The following NRXN1 variants were observed in gnomAD, a reference collection of about 807,000 sequenced individuals.
NRXN1 encodes the protein neurexin-1.
In NRXN1, 39 loss-of-function variants were observed where a neutral mutation model predicts 150.9. The observed-to-expected ratio is 0.26, with a 90% confidence interval of 0.20 to 0.34. The LOEUF (loss-of-function observed/expected upper bound fraction) is 0.34. Ranked by LOEUF, NRXN1 falls within the 10% of genes least tolerant of loss-of-function variation. NRXN1 has a pLI of 1.00. For missense variants in NRXN1, 1,815 were observed against 1,949.9 expected, an observed-to-expected ratio of 0.93 and a Z score of 1.30; for synonymous variants, 924 against 757.0, an observed-to-expected ratio of 1.22 and a Z score of -3.62.
intron 5 of NRXN1, among the ~76,000 whole-genome samples, chr2:50,624,008 C>T (rs1680532494): frequency 6.6e-6 from 1 of 151,892 alleles, no homozygotes; most frequent in Admixed American, 6.6e-5. Flanking sequence ...TTGTTCAATT[C>T]CCACCTATGA....
rs187376690 is a variant in NRXN1, at chr2:50,463,501, G to A, written c.3364+1941C>T. ...ATTTTAATGCTGATTTGTGCAAGAG[G>A]CATATCAGGAGACACATTTATTGAA... On this transcript the variant is annotated intron_variant, in intron 17 of 22. Transcript: ENST00000401669. Among the ~76,000 whole-genome samples, 12 of 151,788 alleles carry A rather than the reference G, an allele frequency of 7.9e-5. No individual in the cohort carries two copies. The East Asian group carries it at 1.9e-3, about 25-fold the overall frequency.
At position 50,160,870 on chromosome 2, in the gene NRXN1, C is replaced by T. The variant is rs144952544; in HGVS notation, c.3547-69376G>A. On this transcript the variant is annotated intron_variant, in intron 18 of 22. Coordinates refer to ENST00000401669, the MANE Select transcript of NRXN1 (RefSeq NM_001330078.2). ...CAACAGTGTGAGATTATTTCCTGGG[C>T]TTTTAAAAATTATACATATCTTTTT... Among the ~76,000 whole-genome samples, 705 of 152,136 alleles carry T rather than the reference C, an allele frequency of 4.6e-3. 9 individuals are homozygous for T. Among genetic ancestry groups the T allele is most frequent in the Non-Finnish European group, 4.8e-3 (329 of 67,992 alleles).
chr2:50,509,953 A>G (rs921988270), intron 12 of NRXN1, among the ~76,000 whole-genome samples: 3 of 152,148 alleles, frequency 2.0e-5, no homozygotes, highest in African/African-American at 7.2e-5. Context: ...AAGAAGTGGA[A>G]CAAACACCAG....
chr2:49,979,139 A>G (rs1679535047), intron 21 of NRXN1, among the ~76,000 whole-genome samples: 2 of 152,108 alleles, frequency 1.3e-5, no homozygotes, highest in African/African-American at 4.8e-5. Context: ...TCTACTAAAA[A>G]TTCCAAAATT....
chr2:50,177,472 A>G (rs1483032962), intron 18 of NRXN1, among the ~76,000 whole-genome samples: 3 of 151,972 alleles, frequency 2.0e-5, no homozygotes, highest in African/African-American at 7.2e-5. Flanking sequence ...TTGAATAGCT[A>G]AATGTATTTA....
At chr2:50,234,608 T>A (rs2152876461) in intron 18 of NRXN1, among the ~76,000 whole-genome samples, 1 of 152,184 alleles carries the variant, frequency 6.6e-6, no homozygotes, top group Middle Eastern at 3.4e-3. Flanking sequence ...AAAGAAAATT[T>A]AATTTGACCA....
At chr2:50,148,552 A>C (rs2058504141) in intron 18 of NRXN1, among the ~76,000 whole-genome samples, 1 of 151,694 alleles carries the variant, frequency 6.6e-6, no homozygotes, top group Non-Finnish European at 1.5e-5. Flanking sequence ...TCTTTTCCTG[A>C]ACACAGGTCC....
chr2:50,124,227 C>T (rs1704256891), intron 18 of NRXN1, among the ~76,000 whole-genome samples: 1 of 152,094 alleles, frequency 6.6e-6, no homozygotes, highest in African/African-American at 2.4e-5. Context: ...AATATGAAGA[C>T]TGAGAATTGA....
intron 2 of NRXN1, among the ~76,000 whole-genome samples, chr2:51,015,525 C>T (rs1043497257): frequency 6.6e-6 from 1 of 151,922 alleles, no homozygotes. Flanking sequence ...TGAACAGCTC[C>T]CAGCTAACAG....
chr2:50,580,313 C>T (rs920088935), intron 8 of NRXN1, among the ~76,000 whole-genome samples: 2 of 152,108 alleles, frequency 1.3e-5, no homozygotes, highest in Non-Finnish European at 2.9e-5. Context: ...TATAAATCCC[C>T]ACACCTACAT....
At chr2:50,436,836 C>A (rs1010426917) in intron 17 of NRXN1, among the ~76,000 whole-genome samples, 3 of 152,084 alleles carry the variant, frequency 2.0e-5, no homozygotes, top group Non-Finnish European at 2.9e-5. Flanking sequence ...TTGCAATACC[C>A]TTTGTGATGT....
Position 50,473,984 on chromosome 2 carries a change from A to G in NRXN1, c.3071-1513T>C, listed in dbSNP as rs1260197694. ...GAGAACTTAGGTCCTTGACCTAACT[A>G]AAACTTAAGTTTTATAACTATATAA... is the stretch of plus-strand genomic sequence containing the variant. On this transcript the variant is annotated intron_variant, in intron 15 of 22. Transcript: ENST00000401669. Among the ~76,000 whole-genome samples the G allele has an allele frequency of 3.3e-5, 5 of 152,104 alleles. No individual in the cohort carries two copies. The East Asian group carries it at 9.7e-4, about 29-fold the overall frequency.
chr2:50,812,972 C>T (rs1355000022), intron 5 of NRXN1, among the ~76,000 whole-genome samples: 1 of 151,870 alleles, frequency 6.6e-6, no homozygotes, highest in Non-Finnish European at 1.5e-5. Context: ...AGATAATTGC[C>T]TGCGCTCAGA....
intron 18 of NRXN1, among the ~76,000 whole-genome samples, chr2:50,134,469 A>C (rs1706073543): frequency 6.6e-6 from 1 of 152,164 alleles, no homozygotes; most frequent in Non-Finnish European, 1.5e-5. Context: ...CATAAATGCA[A>C]ACCATTAACA....
intron 17 of NRXN1, among the ~76,000 whole-genome samples, chr2:50,248,069 T>C (rs1274985958): frequency 2.6e-5 from 4 of 152,140 alleles, no homozygotes; most frequent in Non-Finnish European, 5.9e-5. Context: ...TGGAGTTCAG[T>C]GGCTCAAACA....
chr2:50,634,662 T>C (rs1476522649), intron 5 of NRXN1, among the ~76,000 whole-genome samples: 1 of 152,198 alleles, frequency 6.6e-6, no homozygotes, highest in Non-Finnish European at 1.5e-5. Flanking sequence ...TTTGGGCTAA[T>C]TTATAAGTTA....
chr2:50,211,643 T>C (rs115819435), intron 18 of NRXN1, among the ~76,000 whole-genome samples: 1,611 of 151,632 alleles, frequency 0.011, 31 homozygotes, highest in African/African-American at 0.037. Flanking sequence ...AAACCTAATA[T>C]TATATACTAA....
At chr2:50,630,078 G>A (rs1432689157) in intron 5 of NRXN1, among the ~76,000 whole-genome samples, 3 of 151,586 alleles carry the variant, frequency 2.0e-5, no homozygotes, top group Admixed American at 2.0e-4. Context: ...AAATATTTAA[G>A]AGTCTGCCAT....
At chr2:50,250,424 C>A (rs1392129956) in intron 17 of NRXN1, among the ~76,000 whole-genome samples, 2 of 134,310 alleles carry the variant, frequency 1.5e-5, no homozygotes, top group Non-Finnish European at 3.3e-5. Flanking sequence ...AATGGAAAGT[C>A]ACTTTTTAAT....
Sources: gnomAD v4.1 joint callset for allele counts (sites outside exome capture counted in the v4.1 genomes callset) on GRCh38, gnomAD v4.1.1 for gene constraint, MANE v1.5 for transcripts, NCBI Gene and HGNC (gene_info 2026-07-23, HGNC 2026-07-21) for gene names.